GNA13: variants seen among roughly 807,000 people sequenced by gnomAD.
The protein encoded by GNA13 is G protein subunit alpha 13, also known as guanine nucleotide-binding protein subunit alpha-13.
GNA13 carries 4 observed loss-of-function variants against 33.5 expected under a neutral mutation model. The observed-to-expected ratio is 0.12, with a 90% CI of 0.06 to 0.27. GNA13 has a LOEUF of 0.27. Ranked by LOEUF, GNA13 falls within the 10% of genes least tolerant of loss-of-function variation. The pLI is 1.00. For synonymous variants in GNA13, 176 were observed against 183.8 expected, an observed-to-expected ratio of 0.96 and a Z score of 0.34; for missense variants, 319 against 487.2, an observed-to-expected ratio of 0.65 and a Z score of 3.25.
intron 2 of GNA13, among the ~76,000 whole-genome samples, chr17:65,020,235 CT>C (rs1299019787): frequency 1.3e-5 from 2 of 152,140 alleles, no homozygotes; most frequent in Non-Finnish European, 2.9e-5. Context: ...TGATCAAAGT[CT>C]TCTTGTTTTC....
chr17:65,037,139 G>A (rs1157175672), intron 2 of GNA13, among the ~76,000 whole-genome samples: 1 of 152,212 alleles, frequency 6.6e-6, no homozygotes. Context: ...AAACTCTTCT[G>A]TATTTGCCTG....
At chr17:65,040,126 A>G (rs77979872) in intron 2 of GNA13, among the ~76,000 whole-genome samples, 2,454 of 152,294 alleles carry the variant, frequency 0.016, 65 homozygotes, top group African/African-American at 0.056. Context: ...CCAACTGTGC[A>G]AAATACTGTA....
chr17:65,044,380 T>C (rs1907577603), intron 2 of GNA13, among the ~76,000 whole-genome samples: 1 of 152,150 alleles, frequency 6.6e-6, no homozygotes, highest in Non-Finnish European at 1.5e-5. Context: ...GTTCACAATA[T>C]AGACAAAGGT....
chr17:65,044,609 T>C (rs1347093705), intron 2 of GNA13, among the ~76,000 whole-genome samples: 2 of 147,664 alleles, frequency 1.4e-5, no homozygotes, highest in South Asian at 4.3e-4. Flanking sequence ...AAGACCAGCC[T>C]GGGCAACCCA....
chr17:65,019,779 T>C (rs979529673), intron 2 of GNA13, among the ~76,000 whole-genome samples: 13 of 152,234 alleles, frequency 8.5e-5, no homozygotes, highest in African/African-American at 2.4e-4. Flanking sequence ...AGGGTGACTA[T>C]AGTCACTAAT....
At chr17:65,017,601 A>G (rs1197173697) in intron 3 of GNA13, among the ~76,000 whole-genome samples, 1 of 152,238 alleles carries the variant, frequency 6.6e-6, no homozygotes, top group Non-Finnish European at 1.5e-5. Flanking sequence ...CGCTGGCCAC[A>G]GCGCCAGCTT....
intron 2 of GNA13, among the ~76,000 whole-genome samples, chr17:65,048,482 T>C (rs555361977): frequency 6.6e-6 from 1 of 152,368 alleles, no homozygotes; most frequent in Admixed American, 6.5e-5. Flanking sequence ...AACAGGCCAC[T>C]TCTTACAATC....
chr17:65,023,387 C>A (rs777900811), intron 2 of GNA13, among the ~76,000 whole-genome samples: 22 of 152,172 alleles, frequency 1.4e-4, no homozygotes, highest in Non-Finnish European at 2.8e-4. Context: ...TGACACAGTT[C>A]GATGTCTTAG....
At chr17:65,043,921 A>C (rs1907556273) in intron 2 of GNA13, among the ~76,000 whole-genome samples, 1 of 152,138 alleles carries the variant, frequency 6.6e-6, no homozygotes, top group Admixed American at 6.5e-5. Flanking sequence ...CAAGAGTTCA[A>C]GGCCACCCTG....
chr17:65,050,057 G>A (rs1006712188), intron 2 of GNA13, among the ~76,000 whole-genome samples: 1 of 152,192 alleles, frequency 6.6e-6, no homozygotes, highest in Non-Finnish European at 1.5e-5. Flanking sequence ...TCACAGGTAA[G>A]CTAGCTAGAG....
intron 2 of GNA13, among the ~76,000 whole-genome samples, chr17:65,023,319 T>C (rs1906654316): frequency 6.6e-6 from 1 of 152,258 alleles, no homozygotes; most frequent in Admixed American, 6.5e-5. Context: ...AACACGCTCC[T>C]GTGAACCTGA....
rs1022468300 is a variant in GNA13 at position 65,011,363 on chromosome 17, T to G, written c.*2894A>C. On this transcript the variant is annotated 3_prime_UTR_variant, in exon 4 of 4. Transcript: ENST00000439174. The stretch of plus-strand genomic sequence containing the variant: ...ATGAGTTTTTTCATTCCATATTGCT[T>G]TCTTTGGTTGCAGAGCAATCCAGTG... The G allele has an allele frequency of 5.1e-6, 1 of 196,230 alleles. No homozygotes were observed. Among genetic ancestry groups the G allele is most frequent in the Non-Finnish European group, 1.1e-5 (1 of 94,556 alleles). The allele number at this position is 196,230 out of a possible 1,614,324, so 12.2% of individuals were successfully genotyped here.
chr17:65,022,129 TAA>T (rs771807133), intron 2 of GNA13, among the ~76,000 whole-genome samples: 4 of 152,168 alleles, frequency 2.6e-5, no homozygotes, highest in Non-Finnish European at 4.4e-5. Context: ...GGAAAAAACT[TAA>T]AAGACTATTT....
intron 2 of GNA13, among the ~76,000 whole-genome samples, chr17:65,027,013 G>A (rs140038668): frequency 7.9e-5 from 12 of 152,208 alleles, no homozygotes; most frequent in African/African-American, 2.9e-4. Flanking sequence ...CCCGGCCTCA[G>A]GTGATCCGCC....
At chr17:65,015,217 A>T (rs16962890) in intron 3 of GNA13, among the ~76,000 whole-genome samples, 1 of 152,106 alleles carries the variant, frequency 6.6e-6, no homozygotes, top group Non-Finnish European at 1.5e-5. Flanking sequence ...TCAAAATTTA[A>T]GCTGAAGTCT....
chr17:65,023,504 C>T (rs1032089019), intron 2 of GNA13, among the ~76,000 whole-genome samples: 10 of 152,180 alleles, frequency 6.6e-5, no homozygotes, highest in South Asian at 2.1e-4. Flanking sequence ...TGAATGGTTT[C>T]GGAAATTAGC....
chr17:65,024,178 G>A (rs552537632), intron 2 of GNA13, among the ~76,000 whole-genome samples: 5 of 152,292 alleles, frequency 3.3e-5, no homozygotes, highest in Admixed American at 6.5e-5. Flanking sequence ...ACCTGAGCCC[G>A]GGGGTTGAGG....
chr17:65,020,404 T>G (rs1906540169), intron 2 of GNA13, among the ~76,000 whole-genome samples: 1 of 152,246 alleles, frequency 6.6e-6, no homozygotes, highest in African/African-American at 2.4e-5. Flanking sequence ...AGTTCTGCCC[T>G]GTGCAACAAT....
chr17:65,022,722 T>G (rs1021822651), intron 2 of GNA13, among the ~76,000 whole-genome samples: 8 of 152,230 alleles, frequency 5.3e-5, no homozygotes, highest in African/African-American at 1.9e-4. Context: ...GAAATGAGAC[T>G]GCAACCAAAG....
Sources: gnomAD v4.1 joint callset for allele counts (sites outside exome capture counted in the v4.1 genomes callset) on GRCh38, gnomAD v4.1.1 for gene constraint, MANE v1.5 for transcripts, NCBI Gene and HGNC (gene_info 2026-07-23, HGNC 2026-07-21) for gene names.